The following ELMO1 variants were observed in gnomAD, a reference collection of about 807,000 sequenced individuals.
ELMO1 encodes the protein engulfment and cell motility protein 1.
In ELMO1, 26 loss-of-function variants were observed where a neutral mutation model predicts 98.9. The observed-to-expected ratio is 0.26, with a 90% CI of 0.19 to 0.36. ELMO1 has a LOEUF of 0.36. ELMO1 is among the 10% of genes least tolerant of loss of function. The probability of loss-of-function intolerance (pLI) is 1.00; values close to 1 mark genes in which losing one functional copy is unlikely to be tolerated. For synonymous variants in ELMO1, 346 were observed against 346.0 expected (o/e 1.00, Z 0.00); for missense variants, 627 against 935.2 (o/e 0.67, Z 4.30).
intron 4 of ELMO1, among the ~76,000 whole-genome samples, chr7:37,302,235 A>G (rs538497706): frequency 6.6e-6 from 1 of 152,278 alleles, no homozygotes; most frequent in East Asian, 1.9e-4. Context: ...AGTTCAACAC[A>G]GCCTGCAGAC....
chr7:37,033,253 A>C (rs1006364676), intron 15 of ELMO1: 6 of 394,546 alleles, frequency 1.5e-5, no homozygotes. Flanking sequence ...AGACGGGCTA[A>C]GTCCAAATTG....
chr7:37,424,431 T>C (rs1804623120), intron 1 of ELMO1, among the ~76,000 whole-genome samples: 2 of 152,096 alleles, frequency 1.3e-5, no homozygotes, highest in Non-Finnish European at 2.9e-5. Flanking sequence ...GTTTAGAAAA[T>C]TGCTAGATGG....
At position 37,233,121 on chromosome 7, in the gene ELMO1, T is replaced by A. The variant is rs772744911; in HGVS notation, c.523A>T (p.Thr175Ser). Residue 175 changes from threonine to serine, a missense_variant, in exon 8 of 22, where the codon ACA becomes TCA. By Grantham distance (58) the Thr-to-Ser change is moderately conservative (BLOSUM62 1). Coordinates refer to ENST00000310758, the MANE Select transcript of ELMO1 (RefSeq NM_014800.11). ...TTCTTAATGAACGCCACCGAAAATG[T>A]ATCCCAGGACACTATGCCATGGTCC... ...LMDHGIVSWD[T>S]FSVAFIKKIA... 3.7e-5 allele frequency: 59 copies of A among 1,613,306 alleles called. No homozygotes were observed. Among genetic ancestry groups the A allele is most frequent in the Admixed American group, 6.7e-5 (4 of 59,912 alleles).
At chr7:36,975,209 C>T (rs1040717037) in intron 16 of ELMO1, among the ~76,000 whole-genome samples, 1 of 152,202 alleles carries the variant, frequency 6.6e-6, no homozygotes, top group African/African-American at 2.4e-5. Context: ...GTGGCTAACA[C>T]CTGTAATCCC....
At chr7:37,398,310 C>T (rs1803380812) in intron 1 of ELMO1, among the ~76,000 whole-genome samples, 1 of 152,176 alleles carries the variant, frequency 6.6e-6, no homozygotes, top group Admixed American at 6.5e-5. Context: ...ATTTTCCCTT[C>T]CTATCTTCAA....
intron 13 of ELMO1, among the ~76,000 whole-genome samples, chr7:37,164,779 C>G (rs1014082890): frequency 9.4e-5 from 14 of 149,074 alleles, no homozygotes; most frequent in African/African-American, 3.4e-4. Flanking sequence ...TGTGATGCCT[C>G]CAGCTTTGTT....
At chr7:36,891,322 C>CTGAA (rs1805530067) in intron 17 of ELMO1, among the ~76,000 whole-genome samples, 2 of 152,186 alleles carry the variant, frequency 1.3e-5, no homozygotes, top group Non-Finnish European at 2.9e-5. Context: ...TGTCAGCTGT[C>CTGAA]TGAACACTGA....
At chr7:37,169,000 G>A (rs1461873040) in intron 13 of ELMO1, among the ~76,000 whole-genome samples, 3 of 152,146 alleles carry the variant, frequency 2.0e-5, no homozygotes, top group Non-Finnish European at 4.4e-5. Context: ...CAACCAGTTC[G>A]AGCTTCCCGG....
In ELMO1 at chr7:37,171,483, A is replaced by ATTTTTTTT. The variant is rs71780142; in HGVS notation, c.1087-38257_1087-38250dup. Among the ~76,000 whole-genome samples, 76 of 82,938 alleles carry ATTTTTTTT rather than the reference A, an allele frequency of 9.2e-4. 15 individuals carry two copies. The highest frequency in any genetic ancestry group is 1.3e-3 in the Non-Finnish European group (60 of 44,656). 54.4% of individuals were successfully genotyped at this position (82,938 alleles called of 152,430 possible). ...TTTATTCTTGTAACCAGGCCTTTCT[A>ATTTTTTTT]TTTTTTTTTTTTTTTTTTTTTTTTT... is the stretch of plus-strand genomic sequence containing the variant. On this transcript the variant is annotated intron_variant, in intron 13 of 21. Coordinates refer to ENST00000310758, the MANE Select transcript of ELMO1 (RefSeq NM_014800.11).
At chr7:36,864,193 G>T (rs2129035638) in intron 20 of ELMO1, among the ~76,000 whole-genome samples, 1 of 152,336 alleles carries the variant, frequency 6.6e-6, no homozygotes, top group East Asian at 1.9e-4. Context: ...ATGTGCTCCG[G>T]ACAGGGTGCT....
intron 14 of ELMO1, among the ~76,000 whole-genome samples, chr7:37,118,356 T>C (rs1198489180): frequency 6.6e-6 from 1 of 152,144 alleles, no homozygotes; most frequent in Non-Finnish European, 1.5e-5. Flanking sequence ...CTGTTTATAA[T>C]ATACTCGTGT....
chr7:37,363,375 C>T lies in ELMO1; in HGVS notation c.-73-20612G>A, dbSNP rs190612496. ...TTCAAACACCTCCTCTGTTTAAATC[C>T]CTTCAATGGCTCCCCACTGCTCTCA... On this transcript the variant is annotated intron_variant, in intron 1 of 21. Coordinates refer to ENST00000310758, the MANE Select transcript of ELMO1 (RefSeq NM_014800.11). Among the ~76,000 whole-genome samples the T allele has an allele frequency of 5.9e-5, 9 of 152,256 alleles. No homozygotes were observed. In the East Asian group the frequency reaches 1.7e-3, roughly 29 times the overall value.
chr7:37,018,625 C>A (rs1190086106), intron 15 of ELMO1, among the ~76,000 whole-genome samples: 1 of 151,894 alleles, frequency 6.6e-6, no homozygotes, highest in Non-Finnish European at 1.5e-5. Context: ...TACAGGTGCA[C>A]GACACCACGC....
chr7:36,908,074 T>C (rs1350960851), intron 16 of ELMO1, among the ~76,000 whole-genome samples: 2 of 152,238 alleles, frequency 1.3e-5, no homozygotes, highest in African/African-American at 4.8e-5. Context: ...CTTGTGAAAA[T>C]TATTTGACCC....
chr7:37,085,184 G>T (rs1307400966), intron 15 of ELMO1, among the ~76,000 whole-genome samples: 1 of 152,176 alleles, frequency 6.6e-6, no homozygotes, highest in African/African-American at 2.4e-5. Flanking sequence ...GGTTAAGGAT[G>T]AGAAATAAAA....
chr7:37,422,207 G>A (rs575853344), intron 1 of ELMO1, among the ~76,000 whole-genome samples: 7 of 152,228 alleles, frequency 4.6e-5, no homozygotes, highest in South Asian at 2.1e-4. Context: ...TACAAAAAGC[G>A]GGCAAACAAT....
intron 13 of ELMO1, among the ~76,000 whole-genome samples, chr7:37,141,977 A>T (rs1296093167): frequency 2.0e-5 from 3 of 152,206 alleles, no homozygotes; most frequent in Non-Finnish European, 4.4e-5. Context: ...GCTGTCCACA[A>T]CTAGAGGTTG....
chr7:37,298,291 T>C (rs1373544189), intron 4 of ELMO1, among the ~76,000 whole-genome samples: 3 of 96,002 alleles, frequency 3.1e-5, no homozygotes, highest in African/African-American at 1.1e-4. Flanking sequence ...TTTTTTGTTT[T>C]TTTTTTTTAA....
At chr7:37,318,246 C>A (rs1799310471) in intron 2 of ELMO1, among the ~76,000 whole-genome samples, 1 of 152,112 alleles carries the variant, frequency 6.6e-6, no homozygotes, top group Non-Finnish European at 1.5e-5. Context: ...TTCCATAAGA[C>A]AAGAATTTTG....
Sources: gnomAD v4.1 joint callset for allele counts (sites outside exome capture counted in the v4.1 genomes callset) on GRCh38, gnomAD v4.1.1 for gene constraint, MANE v1.5 for transcripts, NCBI Gene and HGNC (gene_info 2026-07-23, HGNC 2026-07-21) for gene names.